RTN1: variants seen among roughly 807,000 people sequenced by gnomAD.
RTN1 encodes reticulon 1, also known as reticulon-1.
A neutral mutation model predicts 65.5 loss-of-function variants in RTN1; 25 were observed. The ratio of observed to expected loss-of-function variants is 0.38; its 90% CI spans 0.28 to 0.53. The LOEUF (loss-of-function observed/expected upper bound fraction) is 0.53. Among genes scored for constraint, RTN1 ranks in the 20% least tolerant of loss-of-function variants. The probability of loss-of-function intolerance (pLI) is 0.79; values close to 1 mark genes in which losing one functional copy is unlikely to be tolerated. For missense variants in RTN1, 983 were observed against 1,025.4 expected, an observed-to-expected ratio of 0.96 and a Z score of 0.57; for synonymous variants, 471 against 447.6, an observed-to-expected ratio of 1.05 and a Z score of -0.66.
At chr14:59,798,640 CT>C (rs1886483110) in intron 1 of RTN1, among the ~76,000 whole-genome samples, 1 of 152,136 alleles carries the variant, frequency 6.6e-6, no homozygotes, top group African/African-American at 2.4e-5. Flanking sequence ...TCTGATCTTC[CT>C]GCCTGCCTCA....
intron 1 of RTN1, among the ~76,000 whole-genome samples, chr14:59,802,896 G>A (rs1758117149): frequency 6.6e-6 from 1 of 151,780 alleles, no homozygotes; most frequent in Non-Finnish European, 1.5e-5. Flanking sequence ...CCTGTCTAAA[G>A]GTAACAATAA....
At chr14:59,617,618 T>C (rs1469882249) in intron 3 of RTN1, among the ~76,000 whole-genome samples, 1 of 152,216 alleles carries the variant, frequency 6.6e-6, no homozygotes, top group African/African-American at 2.4e-5. Context: ...TAGCTGTTCT[T>C]GAGGTTTTTT....
At chr14:59,705,713 C>T (rs902045453) in intron 3 of RTN1, among the ~76,000 whole-genome samples, 1 of 152,166 alleles carries the variant, frequency 6.6e-6, no homozygotes, top group African/African-American at 2.4e-5. Flanking sequence ...TTAAGCATTG[C>T]TTGCTTTCAT....
rs1168781650 is a variant in RTN1, at chr14:59,846,905, A to T, written c.241+23485T>A. ...AGGAATAATCTGGAGGCTTAAAGAT[A>T]AATGCAAATGAAGAGCTCTGTACCC... On this transcript the variant is annotated intron_variant, in intron 1 of 8. Coordinates refer to ENST00000267484, the MANE Select transcript of RTN1 (RefSeq NM_021136.3). The surrounding 1 kb of genome is among the most constrained non-coding windows in gnomAD (Gnocchi z 4.8). Among the ~76,000 whole-genome samples, 1 of 152,172 alleles carries T rather than the reference A, an allele frequency of 6.6e-6. No homozygotes were observed. Among genetic ancestry groups the T allele is most frequent in the Admixed American group, 6.5e-5 (1 of 15,278 alleles).
At position 59,613,739 on chromosome 14, in the gene RTN1, T is replaced by C. The variant is rs558247347; in HGVS notation, c.1766-6247A>G. 7.2e-4 allele frequency among the ~76,000 whole-genome samples: 109 copies of C among 152,100 alleles called. 2 individuals carry two copies. The Middle Eastern group carries it at 0.02, about 28-fold the overall frequency. ...TTCTTAAAGCACTCATGAGAGGCCC[T>C]AAGATAACTTCTGGTAGCCTGAGAT... On this transcript the variant is annotated intron_variant, in intron 3 of 8. Transcript: ENST00000267484.
At chr14:59,610,903 T>C (rs1468108077) in intron 3 of RTN1, among the ~76,000 whole-genome samples, 2 of 151,684 alleles carry the variant, frequency 1.3e-5, no homozygotes, top group African/African-American at 4.8e-5. Context: ...AACAGGCTCA[T>C]CTGATCTTGT....
intron 3 of RTN1, among the ~76,000 whole-genome samples, chr14:59,652,001 T>C (rs1325920948): frequency 6.6e-6 from 1 of 151,798 alleles, no homozygotes; most frequent in Non-Finnish European, 1.5e-5. Context: ...AACAACCCCA[T>C]TGAAAAGTGG....
At position 59,844,158 on chromosome 14, in the gene RTN1, C is replaced by T. The variant is rs1271826561; in HGVS notation, c.241+26232G>A. ...GGCACAGGCCTTATAAACACAGCCTCGGGTATAGAAGGGAGACAAATGTGC... is the reference window on the plus strand; with the variant it reads ...GGCACAGGCCTTATAAACACAGCCTTGGGTATAGAAGGGAGACAAATGTGC... On this transcript the variant is annotated intron_variant, in intron 1 of 8. Coordinates refer to ENST00000267484, the MANE Select transcript of RTN1 (RefSeq NM_021136.3). Among the ~76,000 whole-genome samples the T allele has an allele frequency of 3.3e-5, 5 of 152,216 alleles. 1 individual carries two copies. The highest frequency in any genetic ancestry group is 4.2e-4 in the South Asian group (2 of 4,808).
intron 1 of RTN1, among the ~76,000 whole-genome samples, chr14:59,788,017 A>G (rs1359500446): frequency 6.6e-6 from 1 of 152,114 alleles, no homozygotes; most frequent in African/African-American, 2.4e-5. Flanking sequence ...CAATAAATAC[A>G]TCTTTGAGCT....
At chr14:59,714,487 T>A (rs1440334890) in intron 3 of RTN1, among the ~76,000 whole-genome samples, 1 of 152,188 alleles carries the variant, frequency 6.6e-6, no homozygotes, top group African/African-American at 2.4e-5. Context: ...GGTAGTCATA[T>A]AGGAGCCCAG....
chr14:59,675,181 G>A (rs1181059972), intron 3 of RTN1, among the ~76,000 whole-genome samples: 1 of 152,150 alleles, frequency 6.6e-6, no homozygotes, highest in African/African-American at 2.4e-5. Flanking sequence ...ATGGTAAAGA[G>A]GGTCAGGGAA....
intron 1 of RTN1, among the ~76,000 whole-genome samples, chr14:59,748,895 T>C (rs1885287770): frequency 6.6e-6 from 1 of 151,788 alleles, no homozygotes; most frequent in Admixed American, 6.6e-5. Context: ...GTTCAAGCAA[T>C]TCTCTTGCCT....
rs545471901 is a variant in RTN1, at chr14:59,865,270, C to A, written c.241+5120G>T. The stretch of plus-strand genomic sequence containing the variant: ...ACCATTTTCCCCTTTTTGAAAATCA[C>A]TTATCAATTTCAGCTTTTCTAGCCC... On this transcript the variant is annotated intron_variant, in intron 1 of 8. Coordinates refer to ENST00000267484, the MANE Select transcript of RTN1 (RefSeq NM_021136.3). 3.9e-5 allele frequency among the ~76,000 whole-genome samples: 6 copies of A among 152,180 alleles called. No homozygotes were observed. In the East Asian group the frequency reaches 1.2e-3, roughly 29 times the overall value.
At chr14:59,761,535 C>T (rs776180382) in intron 1 of RTN1, among the ~76,000 whole-genome samples, 3 of 152,144 alleles carry the variant, frequency 2.0e-5, no homozygotes, top group Admixed American at 6.6e-5. Flanking sequence ...ATAAATTATC[C>T]AGTCTCAGGT....
intron 1 of RTN1, among the ~76,000 whole-genome samples, chr14:59,749,995 A>ATAT (rs1362103823): frequency 1.6e-5 from 1 of 62,158 alleles, no homozygotes; most frequent in Non-Finnish European, 2.8e-5. Flanking sequence ...TTATATACAT[A>ATAT]TATATTATAT....
intron 1 of RTN1, among the ~76,000 whole-genome samples, chr14:59,848,501 A>G (rs1246972755): frequency 6.6e-6 from 1 of 152,246 alleles, no homozygotes; most frequent in Non-Finnish European, 1.5e-5. Context: ...GTGATATAAC[A>G]TATGAAGGTT....
At chr14:59,701,300 C>G (rs909716488) in intron 3 of RTN1, among the ~76,000 whole-genome samples, 1 of 152,130 alleles carries the variant, frequency 6.6e-6, no homozygotes. Context: ...ATCTTATTAT[C>G]CAGCAAGTTC....
intron 1 of RTN1, among the ~76,000 whole-genome samples, chr14:59,753,664 G>A (rs1488842109): frequency 6.6e-6 from 1 of 152,178 alleles, no homozygotes; most frequent in Non-Finnish European, 1.5e-5. Context: ...GGGATTGTTG[G>A]AACTGAGAAG....
At chr14:59,616,009 C>A (rs1882091449) in intron 3 of RTN1, among the ~76,000 whole-genome samples, 1 of 152,070 alleles carries the variant, frequency 6.6e-6, no homozygotes, top group Non-Finnish European at 1.5e-5. Context: ...ATTTAACAAA[C>A]TTTCCAACAT....
Sources: gnomAD v4.1 joint callset for allele counts (sites outside exome capture counted in the v4.1 genomes callset) on GRCh38, gnomAD v4.1.1 for gene constraint, Gnocchi (gnomAD v3.1) non-coding constraint, MANE v1.5 for transcripts, NCBI Gene and HGNC (gene_info 2026-07-23, HGNC 2026-07-21) for gene names.